The following ZNF569 variants were observed in gnomAD, a reference collection of about 807,000 sequenced individuals.
ZNF569 encodes the protein DNA-binding protein.
ZNF569 carries 38 observed loss-of-function variants against 56.3 expected under a neutral mutation model. That is an observed-to-expected ratio of 0.68 (90% confidence interval 0.52 to 0.88). The LOEUF is 0.88. Ranked by LOEUF, ZNF569 falls within the 40% of genes least tolerant of loss-of-function variation. The pLI is 0.00. For synonymous variants in ZNF569, 241 were observed against 262.9 expected, an observed-to-expected ratio of 0.92 and a Z score of 0.81; for missense variants, 666 against 809.2, an observed-to-expected ratio of 0.82 and a Z score of 2.15.
In ZNF569 at chr19:37,413,213, A is replaced by G. The variant is rs746451630; in HGVS notation, c.1445T>C (p.Ile482Thr). The change falls in exon 6 of 6, where the codon ATT becomes ACT. Residue 482 changes from isoleucine to threonine, a missense_variant. By Grantham distance (89) the Ile-to-Thr change is moderately conservative. Transcript: ENST00000316950. ...GKAFSQKSNLIAHEKIHSGEK... is the reference protein window; with the variant it reads ...GKAFSQKSNLTAHEKIHSGEK... ...TCCAGAATGAATTTTTTCATGAGCA[A>G]TGAGATTTGATTTCTGGCTAAAGGC... is the stretch of plus-strand genomic sequence containing the variant. 50 of 1,609,274 alleles carry G rather than the reference A, an allele frequency of 3.1e-5. No homozygotes were observed. The South Asian group carries it at 5.3e-4, about 17-fold the overall frequency.
At chr19:37,450,531 G>C (rs2041574990) in intron 2 of ZNF569, among the ~76,000 whole-genome samples, 1 of 151,950 alleles carries the variant, frequency 6.6e-6, no homozygotes, top group Non-Finnish European at 1.5e-5. Context: ...ATTTATTTGA[G>C]TCTTCTCTAT....
At chr19:37,439,740 C>A (rs1317736370) in intron 3 of ZNF569, among the ~76,000 whole-genome samples, 2 of 152,146 alleles carry the variant, frequency 1.3e-5, no homozygotes, top group African/African-American at 4.8e-5. Context: ...AAAAGAAGAG[C>A]CTATCATTTG....
chr19:37,469,051 T>C (rs577187546), upstream of ZNF569: 5 of 994,168 alleles, frequency 5.0e-6, no homozygotes, highest in East Asian at 5.4e-4. Flanking sequence ...GCAGAGCGCT[T>C]GTGCCTGCGC....
rs1031638418 is a variant in ZNF569, at chr19:37,413,087, C to G, written c.1571G>C (p.Cys524Ser). The G allele has an allele frequency of 4.3e-6, 7 of 1,613,742 alleles. No homozygotes were observed. The Admixed American group carries it at 6.7e-5, about 15-fold the overall frequency. The change falls in exon 6 of 6, where the codon TGT becomes TCT. Residue 524 changes from cysteine (C) to serine (S), a missense_variant. By Grantham distance (112) the Cys-to-Ser change is moderately radical (BLOSUM62 -1). Transcript: ENST00000316950. ...AGAGAAGGCTTTACCACATTCATTA[C>G]AATCATAAGGTTTCTCTCCAGTATG... ...KVHTGEKPYD[C>S]NECGKAFSQI...
rs2146853939 is a variant in ZNF569 at position 37,414,425 on chromosome 19, A to G, written c.239-6T>C. 1.3e-6 allele frequency: 2 copies of G among 1,541,470 alleles called. No individual in the cohort carries two copies. Among genetic ancestry groups the G allele is most frequent in the East Asian group, 4.5e-5 (2 of 44,056 alleles). Reference sequence around the variant, plus strand: ...ATCAACTCCCCATATTTCTCCTAAAACAGATTGCAAATAAATATCACTTAC... The same window carrying G: ...ATCAACTCCCCATATTTCTCCTAAAGCAGATTGCAAATAAATATCACTTAC... On this transcript the variant is annotated splice_region_variant and splice_polypyrimidine_tract_variant and intron_variant, in intron 5 of 5. Transcript: ENST00000316950.
At chr19:37,458,862 A>C (rs867276573) in intron 2 of ZNF569, among the ~76,000 whole-genome samples, 17 of 152,234 alleles carry the variant, frequency 1.1e-4, no homozygotes, top group African/African-American at 3.9e-4. Context: ...GCTAGAAATC[A>C]AAAACATATT....
chr19:37,423,111 T>C (rs941509756), intron 5 of ZNF569, among the ~76,000 whole-genome samples: 1 of 152,224 alleles, frequency 6.6e-6, no homozygotes, highest in Non-Finnish European at 1.5e-5. Flanking sequence ...TTTATGGAAG[T>C]TACTTTGTCA....
At chr19:37,446,567 A>AAAAAAAAG (rs1555839149) in intron 2 of ZNF569, among the ~76,000 whole-genome samples, 7 of 141,000 alleles carry the variant, frequency 5.0e-5, no homozygotes, top group Admixed American at 7.3e-5. Context: ...AAAAAAAAAA[A>AAAAAAAAG]AAGAATGAAA....
intron 2 of ZNF569, among the ~76,000 whole-genome samples, chr19:37,464,838 C>T (rs894813006): frequency 3.9e-5 from 6 of 152,206 alleles, no homozygotes; most frequent in Admixed American, 3.9e-4. Flanking sequence ...TCCCATAGGC[C>T]ATTCTCATCA....
chr19:37,469,223 C>G, upstream of ZNF569: 1 of 1,323,516 alleles, frequency 7.6e-7, no homozygotes, highest in Non-Finnish European at 9.7e-7. Context: ...AAACCCTGCG[C>G]GGAGCTGCAC....
chr19:37,422,142 A>G (rs984484308), intron 5 of ZNF569, among the ~76,000 whole-genome samples: 1 of 152,328 alleles, frequency 6.6e-6, no homozygotes, highest in Admixed American at 6.5e-5. Context: ...GGCTTTTAAC[A>G]TGCTTTCTTC....
At chr19:37,418,978 T>C (rs2040983456) in intron 5 of ZNF569, among the ~76,000 whole-genome samples, 1 of 152,176 alleles carries the variant, frequency 6.6e-6, no homozygotes, top group Non-Finnish European at 1.5e-5. Context: ...TTTTTTGACT[T>C]TTTAATAATG....
Position 37,411,721 on chromosome 19 carries a change from C to T in ZNF569, c.*876G>A, listed in dbSNP as rs958693348. 6.6e-6 allele frequency: 1 copy of T among 152,102 alleles called. No homozygotes were observed. The highest frequency in any genetic ancestry group is 1.5e-5 in the Non-Finnish European group (1 of 67,974). The allele number at this position is 152,102 out of a possible 1,614,324, so 9.4% of individuals were successfully genotyped here. A position where few individuals can be genotyped will look rare whatever the true frequency, so the allele number is the denominator to read the frequency against. Reference sequence around the variant, plus strand: ...TTTGTATATGATATAAAGTAGAAAGCTAAAATTTTTCTCCTATGAACCTTC... The same window carrying T: ...TTTGTATATGATATAAAGTAGAAAGTTAAAATTTTTCTCCTATGAACCTTC... On this transcript the variant is annotated 3_prime_UTR_variant, in exon 6 of 6. Transcript: ENST00000316950.
At chr19:37,468,754 C>T (rs184034391), upstream of ZNF569, among the ~76,000 whole-genome samples, 100 of 152,328 alleles carry the variant, frequency 6.6e-4, 1 homozygote, top group Middle Eastern at 0.014. Context: ...GATCTGCCCA[C>T]CTTGGCCTTC....
chr19:37,415,464 T>C (rs2040912535), intron 5 of ZNF569, among the ~76,000 whole-genome samples: 1 of 152,144 alleles, frequency 6.6e-6, no homozygotes, highest in South Asian at 2.1e-4. Context: ...CTTTACTTAA[T>C]GGAAAACATC....
In ZNF569 at chr19:37,422,552, C is replaced by T. The variant is rs906576799; in HGVS notation, c.238+3316G>A. On this transcript the variant is annotated intron_variant, in intron 5 of 5. Coordinates refer to ENST00000316950, the MANE Select transcript of ZNF569 (RefSeq NM_152484.3). Reference sequence around the variant, plus strand: ...CTTTTGGAAAAATGGTGCCAATGGGCTTGTTCGATGCAGGGCTGCCACAAG... The same window carrying T: ...CTTTTGGAAAAATGGTGCCAATGGGTTTGTTCGATGCAGGGCTGCCACAAG... Among the ~76,000 whole-genome samples the T allele has an allele frequency of 1.8e-4, 28 of 152,080 alleles. 1 individual carries two copies. The highest frequency in any genetic ancestry group is 3.8e-4 in the Non-Finnish European group (26 of 68,018).
Position 37,467,189 on chromosome 19 carries a change from G to A in ZNF569, c.-310C>T, listed in dbSNP as rs2041857808. ...CGGCACTGAGGCCGGCGCTGTCGGTGGCTGAGAGCGCCACAAGTCTCGGTC... is the reference window on the plus strand; with the variant it reads ...CGGCACTGAGGCCGGCGCTGTCGGTAGCTGAGAGCGCCACAAGTCTCGGTC... On this transcript the variant is annotated 5_prime_UTR_variant, in exon 1 of 6. Transcript: ENST00000316950. 1 of 152,324 alleles carries A rather than the reference G, an allele frequency of 6.6e-6. No individual in the cohort carries two copies. The highest frequency in any genetic ancestry group is 1.5e-5 in the Non-Finnish European group (1 of 68,134). The allele number at this position is 152,324 out of a possible 1,614,324, so 9.4% of individuals were successfully genotyped here. A position where few individuals can be genotyped will look rare whatever the true frequency, so the allele number is the denominator to read the frequency against.
upstream of ZNF569, chr19:37,467,767 A>C: frequency 1.0e-6 from 1 of 966,316 alleles, no homozygotes; most frequent in Non-Finnish European, 1.6e-6. Context: ...TGGGGTTTCC[A>C]GGGCGAGAGA....
At chr19:37,449,209 AT>A (rs2041551307) in intron 2 of ZNF569, among the ~76,000 whole-genome samples, 1 of 152,162 alleles carries the variant, frequency 6.6e-6, no homozygotes, top group South Asian at 2.1e-4. Flanking sequence ...TGTCTTTAAA[AT>A]TCTTGACATT....
Sources: gnomAD v4.1 joint callset for allele counts (sites outside exome capture counted in the v4.1 genomes callset) on GRCh38, gnomAD v4.1.1 for gene constraint, MANE v1.5 for transcripts, NCBI Gene and HGNC (gene_info 2026-07-23, HGNC 2026-07-21) for gene names.